Variants in FAF1 observed in about 807,000 individuals in gnomAD.
FAF1 encodes Fas associated factor 1, also known as FAS-associated factor 1.
A neutral mutation model predicts 92.5 loss-of-function variants in FAF1; 25 were observed. That is an observed-to-expected ratio of 0.27 (90% CI 0.20 to 0.38). The LOEUF (loss-of-function observed/expected upper bound fraction) is 0.38. FAF1 is among the 10% of genes least tolerant of loss of function. FAF1 has a pLI of 1.00. For missense variants in FAF1, 636 were observed against 793.3 expected (o/e 0.80, Z 2.38); for synonymous variants, 234 against 273.2 (o/e 0.86, Z 1.42).
intron 7 of FAF1, among the ~76,000 whole-genome samples, chr1:50,660,764 T>A (rs1655337873): frequency 6.6e-6 from 1 of 152,158 alleles, no homozygotes; most frequent in South Asian, 2.1e-4. Flanking sequence ...AGTGCTGGAA[T>A]TACAGGCGAG....
At chr1:50,446,109 G>A (rs1036214801) in intron 18 of FAF1, among the ~76,000 whole-genome samples, 1 of 152,162 alleles carries the variant, frequency 6.6e-6, no homozygotes, top group Admixed American at 6.5e-5. Flanking sequence ...TTGTGGGGGG[G>A]AAGCTCCTTA....
chr1:50,660,438 T>C (rs1655321647), intron 7 of FAF1, among the ~76,000 whole-genome samples: 2 of 151,870 alleles, frequency 1.3e-5, no homozygotes, highest in South Asian at 4.1e-4. Context: ...AGCAAACTAA[T>C]AAAAAAGTCA....
At chr1:50,563,493 T>C (rs772520126) in intron 13 of FAF1, among the ~76,000 whole-genome samples, 4 of 152,148 alleles carry the variant, frequency 2.6e-5, no homozygotes, top group Non-Finnish European at 4.4e-5. Flanking sequence ...TGTCACTGTT[T>C]TAAGAATGGC....
At chr1:50,907,342 T>C (rs1022272146) in intron 1 of FAF1, among the ~76,000 whole-genome samples, 8 of 152,202 alleles carry the variant, frequency 5.3e-5, no homozygotes, top group Non-Finnish European at 1.2e-4. Flanking sequence ...TAAAATTCTC[T>C]TTTTTGGTTG....
chr1:50,834,033 G>A (rs576550674), intron 2 of FAF1, among the ~76,000 whole-genome samples: 1 of 152,308 alleles, frequency 6.6e-6, no homozygotes, highest in South Asian at 2.1e-4. Flanking sequence ...TTAGAGGAAG[G>A]GCCTGGTGGC....
intron 1 of FAF1, among the ~76,000 whole-genome samples, chr1:50,892,653 T>C (rs941900447): frequency 1.3e-5 from 2 of 152,226 alleles, no homozygotes; most frequent in Non-Finnish European, 2.9e-5. Flanking sequence ...GGTTATTAAA[T>C]GTCTTGAGGT....
At chr1:50,595,763 G>A (rs560114416) in intron 9 of FAF1, among the ~76,000 whole-genome samples, 4 of 152,120 alleles carry the variant, frequency 2.6e-5, no homozygotes, top group African/African-American at 9.6e-5. Context: ...GGCTGGTCTC[G>A]AACTCCTGGC....
At chr1:50,761,360 C>G (rs1175616184) in intron 4 of FAF1, among the ~76,000 whole-genome samples, 3 of 152,168 alleles carry the variant, frequency 2.0e-5, no homozygotes, top group Non-Finnish European at 4.4e-5. Context: ...CATCCTGATA[C>G]CAAAGCCAGG....
At chr1:50,443,474 G>A (rs1306534698) in intron 18 of FAF1, among the ~76,000 whole-genome samples, 3 of 152,210 alleles carry the variant, frequency 2.0e-5, no homozygotes, top group Non-Finnish European at 4.4e-5. Context: ...ATGCAAGACA[G>A]TGGAGATGAT....
chr1:50,909,064 G>A (rs369006731), intron 1 of FAF1, among the ~76,000 whole-genome samples: 1 of 152,308 alleles, frequency 6.6e-6, no homozygotes, highest in East Asian at 1.9e-4. Context: ...TTGTAAGGTA[G>A]GCCTGGTGGT....
chr1:50,924,195 G>A (rs1044763299), intron 1 of FAF1, among the ~76,000 whole-genome samples: 2 of 150,386 alleles, frequency 1.3e-5, no homozygotes, highest in African/African-American at 2.4e-5. Flanking sequence ...ACTCAGAACT[G>A]ATAATGATAA....
At chr1:50,682,889 C>T (rs567787844) in intron 7 of FAF1, among the ~76,000 whole-genome samples, 11 of 151,180 alleles carry the variant, frequency 7.3e-5, no homozygotes, top group South Asian at 2.1e-4. Context: ...GTCAGGTGAT[C>T]GAGACCATAC....
chr1:50,467,184 G>A (rs1248958148), intron 18 of FAF1, among the ~76,000 whole-genome samples: 1 of 152,078 alleles, frequency 6.6e-6, no homozygotes. Context: ...AACAGGGTGT[G>A]AAATACAACT....
chr1:50,735,698 AATTTAATAACTATTTTATTTT>A (rs1197051243), intron 6 of FAF1, among the ~76,000 whole-genome samples: 1 of 152,090 alleles, frequency 6.6e-6, no homozygotes, highest in Non-Finnish European at 1.5e-5. Context: ...GTCAGTGAAC[AATTTAATAACTATTTTATTTT>A]ATTTATTTTA....
chr1:50,842,450 C>T (rs1644263627), intron 2 of FAF1, among the ~76,000 whole-genome samples: 3 of 152,052 alleles, frequency 2.0e-5, no homozygotes, highest in Admixed American at 6.5e-5. Context: ...ATACTACATG[C>T]ATTACTGAAA....
chr1:50,788,585 C>T (rs565888693), intron 3 of FAF1, among the ~76,000 whole-genome samples: 1 of 152,214 alleles, frequency 6.6e-6, no homozygotes, highest in South Asian at 2.1e-4. Context: ...CTCTGCTTTC[C>T]ACGGATTATT....
chr1:50,729,892 G>A (rs1290523684), intron 6 of FAF1, among the ~76,000 whole-genome samples: 5 of 152,012 alleles, frequency 3.3e-5, no homozygotes, highest in African/African-American at 1.2e-4. Context: ...GTGGTGGCAC[G>A]TGCCTGTAGT....
intron 18 of FAF1, among the ~76,000 whole-genome samples, chr1:50,472,109 G>A (rs1204374664): frequency 6.6e-6 from 1 of 151,984 alleles, no homozygotes; most frequent in Admixed American, 6.6e-5. Context: ...GCTACCGTAG[G>A]TCTGGAGGGG....
At chr1:50,887,516 T>C (rs1397118183) in intron 1 of FAF1, among the ~76,000 whole-genome samples, 1 of 152,028 alleles carries the variant, frequency 6.6e-6, no homozygotes, top group Non-Finnish European at 1.5e-5. Context: ...TTAGGTCTAA[T>C]AATTAAGTCT....
Sources: gnomAD v4.1 joint callset for allele counts (sites outside exome capture counted in the v4.1 genomes callset) on GRCh38, gnomAD v4.1.1 for gene constraint, MANE v1.5 for transcripts, NCBI Gene and HGNC (gene_info 2026-07-23, HGNC 2026-07-21) for gene names.